ROS1: variants seen among roughly 807,000 people sequenced by gnomAD.
ROS1 encodes the protein ROS proto-oncogene 1, receptor tyrosine kinase, also known as proto-oncogene tyrosine-protein kinase ROS.
In ROS1, 263 loss-of-function variants were observed where a neutral mutation model predicts 273.5. That is an observed-to-expected ratio of 0.96 (90% confidence interval 0.87 to 1.06). The LOEUF (loss-of-function observed/expected upper bound fraction) is 1.06, where lower values mean the gene tolerates loss of function less well. Ranked by LOEUF, ROS1 falls within the 50% of genes least tolerant of loss-of-function variation. The pLI is 0.00. For missense variants in ROS1, 2,833 were observed against 2,751.1 expected (o/e 1.03, Z -0.67); for synonymous variants, 1,008 against 954.1 (o/e 1.06, Z -1.04).
intron 27 of ROS1, among the ~76,000 whole-genome samples, chr6:117,348,892 A>G (rs1456997330): frequency 6.6e-6 from 1 of 151,972 alleles, no homozygotes; most frequent in Admixed American, 6.6e-5. Context: ...GAGATTTTCC[A>G]GCTATCTTTC....
intron 17 of ROS1, among the ~76,000 whole-genome samples, chr6:117,380,343 G>A (rs913819720): frequency 7.8e-4 from 119 of 152,014 alleles, no homozygotes; most frequent in African/African-American, 2.9e-3. Flanking sequence ...GGTACATGAC[G>A]ACAAAAACCC....
At chr6:117,387,537 A>T (rs970036364) in intron 14 of ROS1, among the ~76,000 whole-genome samples, 2 of 152,236 alleles carry the variant, frequency 1.3e-5, no homozygotes, top group African/African-American at 4.8e-5. Context: ...TCCTTAAAAA[A>T]TATCTTGGAA....
At chr6:117,331,150 G>C (rs534122328) in intron 32 of ROS1, among the ~76,000 whole-genome samples, 1 of 152,108 alleles carries the variant, frequency 6.6e-6, no homozygotes, top group Admixed American at 6.6e-5. Flanking sequence ...AACACAAATG[G>C]CCTGATGGGG....
At chr6:117,355,858 A>C (rs1162978681) in intron 26 of ROS1, among the ~76,000 whole-genome samples, 1 of 151,856 alleles carries the variant, frequency 6.6e-6, no homozygotes, top group Non-Finnish European at 1.5e-5. Flanking sequence ...TGATCTACCC[A>C]CCTCGGCCTT....
chr6:117,318,371 C>T (rs1169727441), intron 37 of ROS1, 119 bp from the exon 38 acceptor site: 24 of 734,214 alleles, frequency 3.3e-5, no homozygotes, highest in Admixed American at 2.1e-4. Flanking sequence ...GGAAACAGAT[C>T]GTAGATAAAA....
In ROS1 at chr6:117,321,307, C is replaced by T. The variant is rs765146445; in HGVS notation, c.5711G>A (p.Arg1904Gln). 19 of 1,613,794 alleles carry T rather than the reference C, an allele frequency of 1.2e-5. No homozygotes were observed. The highest frequency in any genetic ancestry group is 1.6e-5 in the Non-Finnish European group (19 of 1,179,834). The change falls in exon 36 of 44, where the codon CGA (arginine) becomes CAA (glutamine). Residue 1904 changes from arginine to glutamine, a missense_variant. Physicochemically the swap from Arg to Gln is conservative, Grantham distance 43 (BLOSUM62 1). Coordinates refer to ENST00000368507, the MANE Select transcript of ROS1 (RefSeq NM_001378902.1). ...CAGGCCTACTCCGGCTGCCAGACCT[C>T]GCAGCTCAGCCAACTCTTTGTCTTC... ...INEDKELAEL[R>Q]GLAAGVGLAN... is the part of the protein sequence containing the mutation.
At chr6:117,328,917 G>A (rs2128591471) in intron 33 of ROS1, 1 of 608,312 alleles carries the variant, frequency 1.6e-6, no homozygotes, top group East Asian at 3.4e-5. Flanking sequence ...TACAGTATGA[G>A]AAATATCTAC....
chr6:117,394,794 G>A, intron 9 of ROS1, 56 bp from the exon 10 acceptor site: 2 of 1,494,072 alleles, frequency 1.3e-6, no homozygotes, highest in Non-Finnish European at 1.8e-6. Flanking sequence ...TACACTAACA[G>A]ACACAAAAAA....
At chr6:117,381,733 A>T (rs1772164721) in intron 17 of ROS1, among the ~76,000 whole-genome samples, 1 of 152,084 alleles carries the variant, frequency 6.6e-6, no homozygotes, top group Non-Finnish European at 1.5e-5. Flanking sequence ...TTTTGATATA[A>T]TAACTTCTTT....
intron 17 of ROS1, among the ~76,000 whole-genome samples, chr6:117,381,922 C>T (rs1034098957): frequency 6.6e-6 from 1 of 152,024 alleles, no homozygotes; most frequent in Non-Finnish European, 1.5e-5. Flanking sequence ...GAATTTCCCC[C>T]AAACATGCTG....
chr6:117,349,571 C>CT (rs1166852647), intron 27 of ROS1, among the ~76,000 whole-genome samples: 1 of 151,954 alleles, frequency 6.6e-6, no homozygotes. Flanking sequence ...TTCAAAGTGA[C>CT]TACTAATATA....
Position 117,425,722 on chromosome 6 carries a change from T to C in ROS1, c.-66A>G. On this transcript the variant is annotated 5_prime_UTR_variant, in exon 1 of 44. Transcript: ENST00000368507. ...TTCTCCATTTTGCTATATGAATTAT[T>C]TGGGCTTCATCACTTCAATTGGAGG... 6.4e-7 allele frequency: 1 copy of C among 1,564,884 alleles called. No individual in the cohort carries two copies. The highest frequency in any genetic ancestry group is 1.4e-5 in the African/African-American group (1 of 73,610).
intron 42 of ROS1, 115 bp from the exon 43 acceptor site, chr6:117,301,252 T>C: frequency 1.2e-6 from 1 of 843,430 alleles, no homozygotes; most frequent in Non-Finnish European, 1.8e-6. Flanking sequence ...TTTTCCTTAA[T>C]TAATATAAGT....
At chr6:117,387,735 C>T (rs1192749753) in intron 14 of ROS1, 45 bp downstream of exon 14, 6 of 1,580,594 alleles carry the variant, frequency 3.8e-6, no homozygotes, top group Non-Finnish European at 5.1e-6. Context: ...TCAGCTAGTC[C>T]TCTTTTTGTG....
chr6:117,304,888 G>C (rs1001671629), intron 42 of ROS1, among the ~76,000 whole-genome samples: 4 of 152,016 alleles, frequency 2.6e-5, no homozygotes, highest in Non-Finnish European at 5.9e-5. Flanking sequence ...TTGTTTAAAA[G>C]TGTAGCACCT....
chr6:117,373,384 C>T (rs752689679), intron 18 of ROS1, among the ~76,000 whole-genome samples: 12 of 152,232 alleles, frequency 7.9e-5, no homozygotes, highest in East Asian at 1.9e-4. Flanking sequence ...AAGCCCACCA[C>T]GGGGGGACTT....
chr6:117,371,840 A>G (rs568001509), intron 18 of ROS1, among the ~76,000 whole-genome samples: 7 of 152,194 alleles, frequency 4.6e-5, no homozygotes, highest in Admixed American at 4.6e-4. Flanking sequence ...AAAGTCAGCC[A>G]TAATATCCCT....
Position 117,307,023 on chromosome 6 carries a change from A to G in ROS1, c.6551+1771T>C, listed in dbSNP as rs189089175. On this transcript the variant is annotated intron_variant, in intron 42 of 43. Transcript: ENST00000368507. ...TTTTTATTAAAACAATGGCAATCCA[A>G]TCAATAAATTATTCAAGATAAAACT... 2.3e-3 allele frequency among the ~76,000 whole-genome samples: 345 copies of G among 152,308 alleles called. 1 individual carries two copies. The highest frequency in any genetic ancestry group is 7.8e-3 in the African/African-American group (324 of 41,562).
intron 36 of ROS1, 185 bp downstream of exon 36, chr6:117,321,074 A>T (rs2128562494): frequency 3.6e-6 from 2 of 558,994 alleles, no homozygotes; most frequent in Non-Finnish European, 2.9e-6. Flanking sequence ...TTTTTCTTAA[A>T]ACCACATAAT....
Sources: gnomAD v4.1 joint callset for allele counts (sites outside exome capture counted in the v4.1 genomes callset) on GRCh38, gnomAD v4.1.1 for gene constraint, MANE v1.5 for transcripts, NCBI Gene and HGNC (gene_info 2026-07-23, HGNC 2026-07-21) for gene names.